The following TOP1 variants were observed in gnomAD, a reference collection of about 807,000 sequenced individuals.
TOP1 encodes the protein DNA topoisomerase 1.
Under a neutral mutation model 111.1 loss-of-function variants are expected in TOP1, and 10 were observed. The ratio of observed to expected loss-of-function variants is 0.09; its 90% confidence interval spans 0.06 to 0.15. The LOEUF is 0.15. Among genes scored for constraint, TOP1 ranks in the 10% least tolerant of loss-of-function variants. The probability of loss-of-function intolerance (pLI) is 1.00; values close to 1 mark genes in which losing one functional copy is unlikely to be tolerated. For synonymous variants in TOP1, 271 were observed against 302.9 expected (o/e 0.89, Z 1.10); for missense variants, 474 against 926.7 (o/e 0.51, Z 6.34).
chr20:41,100,373 T>C lies in TOP1; in HGVS notation c.1163+130T>C. On this transcript the variant is annotated intron_variant, in intron 12 of 20. Transcript: ENST00000361337. The surrounding 1 kb of genome is among the most constrained non-coding windows in gnomAD (Gnocchi z 4.4). The stretch of plus-strand genomic sequence containing the variant: ...TACTTAAGAGCAGGACAGTATTTCA[T>C]GCGTAGGTCTCCAGATGTTTTTGAG... The C allele has an allele frequency of 1.5e-6, 1 of 668,786 alleles. No individual in the cohort carries two copies. Among genetic ancestry groups the C allele is most frequent in the Non-Finnish European group, 2.4e-6 (1 of 415,384 alleles). The allele number at this position is 668,786 out of a possible 1,614,324, so 41.4% of individuals were successfully genotyped here.
chr20:41,077,948 A>ATTTTTTTTTT (rs57349578), intron 5 of TOP1, among the ~76,000 whole-genome samples: 1 of 129,558 alleles, frequency 7.7e-6, no homozygotes, highest in Non-Finnish European at 1.6e-5. Context: ...ACAGTGTACC[A>ATTTTTTTTTT]TTTTTTTTTT....
In TOP1 at chr20:41,072,138, A is replaced by G. The variant is rs543095948; in HGVS notation, c.156-4033A>G. The G allele has an allele frequency of 2.0e-5, 14 of 700,798 alleles. No homozygotes were observed. The African/African-American group carries it at 2.5e-4, about 13-fold the overall frequency. The allele number at this position is 700,798 out of a possible 1,614,324, so 43.4% of individuals were successfully genotyped here. On this transcript the variant is annotated intron_variant, in intron 3 of 20. Transcript: ENST00000361337. ...TCTAGCATTTTTCTAATTTAGCCCTACTGAAGTTTCTTCAGTAATTAATCA... is the reference window on the plus strand; with the variant it reads ...TCTAGCATTTTTCTAATTTAGCCCTGCTGAAGTTTCTTCAGTAATTAATCA...
chr20:41,079,142 T>A lies in TOP1; in HGVS notation c.336-943T>A, dbSNP rs762167302. On this transcript the variant is annotated intron_variant, in intron 5 of 20. Coordinates refer to ENST00000361337, the MANE Select transcript of TOP1 (RefSeq NM_003286.4). This position sits in a 1 kb window ranked among gnomAD's most constrained non-coding sequence, Gnocchi z 4.0. ...TCACAAGCAAGGGGACCCAGTATGC[T>A]TTTTTTGGTCGGAGGTACTCTTGAA... Among the ~76,000 whole-genome samples the A allele has an allele frequency of 6.6e-6, 1 of 152,140 alleles. No homozygotes were observed. The highest frequency in any genetic ancestry group is 2.4e-5 in the African/African-American group (1 of 41,416).
intron 2 of TOP1, among the ~76,000 whole-genome samples, chr20:41,055,866 C>T (rs919867105): frequency 6.6e-6 from 1 of 152,166 alleles, no homozygotes; most frequent in Non-Finnish European, 1.5e-5. Context: ...TTAACACAAA[C>T]CCTCTCTTGG....
At chr20:41,085,340 G>C (rs2033835330) in intron 8 of TOP1, among the ~76,000 whole-genome samples, 1 of 152,174 alleles carries the variant, frequency 6.6e-6, no homozygotes, top group Non-Finnish European at 1.5e-5. Flanking sequence ...AAAATATCTA[G>C]AGTTGCAAAT....
At chr20:41,033,588 G>T (rs1370922237) in intron 2 of TOP1, among the ~76,000 whole-genome samples, 2 of 152,028 alleles carry the variant, frequency 1.3e-5, no homozygotes, top group African/African-American at 2.4e-5. Context: ...CAGCTTTGTT[G>T]TATATTAATT....
At chr20:41,093,031 A>G (rs2033938615) in intron 9 of TOP1, among the ~76,000 whole-genome samples, 1 of 152,242 alleles carries the variant, frequency 6.6e-6, no homozygotes. Flanking sequence ...ATAGTCTGCC[A>G]TCCATCTCTA....
chr20:41,066,557 CTTTTTTTTTT>C (rs776922601), intron 3 of TOP1, among the ~76,000 whole-genome samples: 1 of 129,402 alleles, frequency 7.7e-6, no homozygotes, highest in African/African-American at 2.9e-5. Context: ...CTTTTCTTTT[CTTTTTTTTTT>C]TTTTTTTGAG....
Position 41,118,915 on chromosome 20 carries a change from G to A in TOP1, c.1950+619G>A, listed in dbSNP as rs563870528. ...CCTCCTCCTAACTCCGCCTGGTACT[G>A]AGCTTTTAAACCATAAGGCACTTAA... is the stretch of plus-strand genomic sequence containing the variant. On this transcript the variant is annotated intron_variant, in intron 18 of 20. Transcript: ENST00000361337. This position sits in a 1 kb window ranked among gnomAD's most constrained non-coding sequence, Gnocchi z 4.6. Among the ~76,000 whole-genome samples the A allele has an allele frequency of 3.3e-5, 5 of 152,258 alleles. No homozygotes were observed. In the South Asian group the frequency reaches 1.0e-3, roughly 32 times the overall value.
chr20:41,051,321 A>G (rs950249557), intron 2 of TOP1, among the ~76,000 whole-genome samples: 3 of 152,196 alleles, frequency 2.0e-5, no homozygotes, highest in Non-Finnish European at 4.4e-5. Flanking sequence ...AAACATGGCA[A>G]AGAGTCTCCT....
rs2033154149 is a variant in TOP1, at chr20:41,034,042, AG to A, written c.58+4588del. Among the ~76,000 whole-genome samples the A allele has an allele frequency of 6.6e-6, 1 of 152,152 alleles. No homozygotes were observed. The highest frequency in any genetic ancestry group is 2.4e-5 in the African/African-American group (1 of 41,434). ...TATATTGGATGTGGAGGTGAGAGTC[AG>A]TTGAGTGAATTTTCTGTGTTGTATG... On this transcript the variant is annotated intron_variant, in intron 2 of 20. Coordinates refer to ENST00000361337, the MANE Select transcript of TOP1 (RefSeq NM_003286.4). The surrounding 1 kb of genome is among the most constrained non-coding windows in gnomAD (Gnocchi z 4.0).
At chr20:41,088,158 C>G (rs748411302) in intron 8 of TOP1, among the ~76,000 whole-genome samples, 2 of 152,140 alleles carry the variant, frequency 1.3e-5, no homozygotes, top group Non-Finnish European at 2.9e-5. Flanking sequence ...CTTCAGGATA[C>G]ACATGTTGAA....
At chr20:41,085,466 C>T (rs557029065) in intron 8 of TOP1, among the ~76,000 whole-genome samples, 1 of 152,304 alleles carries the variant, frequency 6.6e-6, no homozygotes, top group African/African-American at 2.4e-5. Flanking sequence ...AACTTTTCTA[C>T]TTTTGCTGTT....
At chr20:41,041,424 C>T (rs1279328610) in intron 2 of TOP1, among the ~76,000 whole-genome samples, 6 of 123,522 alleles carry the variant, frequency 4.9e-5, no homozygotes, top group Admixed American at 1.9e-4. Context: ...TGCCCCAGAA[C>T]GAGACCCTGT....
rs367843897 is a variant in TOP1 at position 41,117,632 on chromosome 20, G to A, written c.1823-537G>A. On this transcript the variant is annotated intron_variant, in intron 17 of 20. Transcript: ENST00000361337. Reference sequence around the variant, plus strand: ...GATCTCCTGACCTTGTGATCCGCCCGCCTCGGCCTCCCAAAGTGCTGGGAT... The same window carrying A: ...GATCTCCTGACCTTGTGATCCGCCCACCTCGGCCTCCCAAAGTGCTGGGAT... Among the ~76,000 whole-genome samples, 340 of 151,956 alleles carry A rather than the reference G, an allele frequency of 2.2e-3. 1 individual carries two copies. The highest frequency in any genetic ancestry group is 6.5e-3 in the African/African-American group (271 of 41,454).
Position 41,110,608 on chromosome 20 carries a change from C to G in TOP1, c.1309-2174C>G, listed in dbSNP as rs753327368. Among the ~76,000 whole-genome samples the G allele has an allele frequency of 1.3e-5, 2 of 152,120 alleles. No individual in the cohort carries two copies. Among genetic ancestry groups the G allele is most frequent in the Non-Finnish European group, 2.9e-5 (2 of 68,030 alleles). ...ATGGATAGCAGCTATATTAGAGAGACAATATAGTGGGCCTACTAGTTTTAA... is the reference window on the plus strand; with the variant it reads ...ATGGATAGCAGCTATATTAGAGAGAGAATATAGTGGGCCTACTAGTTTTAA... On this transcript the variant is annotated intron_variant, in intron 13 of 20. Coordinates refer to ENST00000361337, the MANE Select transcript of TOP1 (RefSeq NM_003286.4). This position sits in a 1 kb window ranked among gnomAD's most constrained non-coding sequence, Gnocchi z 4.2.
chr20:41,099,971 G>T, intron 11 of TOP1, 85 bp from the exon 12 acceptor site: 1 of 897,016 alleles, frequency 1.1e-6, no homozygotes, highest in Non-Finnish European at 1.6e-6. Context: ...CCTCTACCTT[G>T]ACTTAGTCTC....
Position 41,061,624 on chromosome 20 carries a change from G to A in TOP1, c.155+134G>A, listed in dbSNP as rs2033546447. ...AGTAGAAACTGTATTTGATCCTAGA[G>A]TTGCTATGAGGATGGCCATGATTTA... On this transcript the variant is annotated intron_variant, in intron 3 of 20. Coordinates refer to ENST00000361337, the MANE Select transcript of TOP1 (RefSeq NM_003286.4). The surrounding 1 kb of genome is among the most constrained non-coding windows in gnomAD (Gnocchi z 4.6). 1.3e-6 allele frequency: 1 copy of A among 751,852 alleles called. No homozygotes were observed. The highest frequency in any genetic ancestry group is 2.1e-6 in the Non-Finnish European group (1 of 466,952). 46.6% of individuals were successfully genotyped at this position (751,852 alleles called of 1,614,324 possible).
chr20:41,044,426 G>A (rs777824149), intron 2 of TOP1, among the ~76,000 whole-genome samples: 62 of 152,174 alleles, frequency 4.1e-4, no homozygotes, highest in African/African-American at 1.4e-3. Context: ...CCCTGCTCCC[G>A]AAGCTTAAAA....
Sources: allele counts gnomAD v4.1 joint callset (sites outside exome capture counted in the v4.1 genomes callset), GRCh38; gene constraint gnomAD v4.1.1; non-coding constraint Gnocchi (gnomAD v3.1); transcripts MANE v1.5; gene names NCBI Gene and HGNC (gene_info 2026-07-23, HGNC 2026-07-21).